The following P3H2 variants were observed in gnomAD, a reference collection of about 807,000 sequenced individuals.
The protein encoded by P3H2 is leprecan-like 1.
Under a neutral mutation model 87.0 loss-of-function variants are expected in P3H2, and 80 were observed. That is an observed-to-expected ratio of 0.92 (90% CI 0.77 to 1.11). The LOEUF is 1.11. Among genes scored for constraint, P3H2 ranks in the 50% least tolerant of loss-of-function variants. The probability of loss-of-function intolerance (pLI) is 0.00; values close to 1 mark genes in which losing one functional copy is unlikely to be tolerated. For synonymous variants in P3H2, 367 were observed against 359.3 expected (o/e 1.02, Z -0.24); for missense variants, 1,001 against 923.9 (o/e 1.08, Z -1.08).
chr3:190,049,971 C>T (rs1026378036), intron 1 of P3H2, among the ~76,000 whole-genome samples: 2 of 152,182 alleles, frequency 1.3e-5, no homozygotes, highest in Non-Finnish European at 2.9e-5. Flanking sequence ...TGTAAATATT[C>T]AAGAGGTCAA....
chr3:189,974,127 T>C (rs1287508720), intron 9 of P3H2, 123 bp from the exon 10 acceptor site: 1 of 787,808 alleles, frequency 1.3e-6, no homozygotes, highest in African/African-American at 1.7e-5. Flanking sequence ...CCCATTTTAT[T>C]CCAGGATGCT....
intron 3 of P3H2, among the ~76,000 whole-genome samples, chr3:189,993,060 C>T (rs1269023312): frequency 6.6e-6 from 1 of 152,182 alleles, no homozygotes; most frequent in Non-Finnish European, 1.5e-5. Flanking sequence ...TGCTGGCTCA[C>T]GCCCGTAATC....
chr3:190,091,549 C>T (rs1490004123), intron 1 of P3H2, among the ~76,000 whole-genome samples: 3 of 152,184 alleles, frequency 2.0e-5, no homozygotes, highest in Admixed American at 1.3e-4. Flanking sequence ...TGGCTATTTG[C>T]TTATATATAT....
At chr3:190,114,559 C>G (rs1397082361) in intron 1 of P3H2, among the ~76,000 whole-genome samples, 1 of 152,070 alleles carries the variant, frequency 6.6e-6, no homozygotes, top group Non-Finnish European at 1.5e-5. Context: ...AAGGAGCTGA[C>G]CAGGCTTTCA....
At chr3:189,987,447 C>T (rs1168479054) in intron 5 of P3H2, 80 bp downstream of exon 5, 1 of 1,504,246 alleles carries the variant, frequency 6.6e-7, no homozygotes, top group African/African-American at 1.4e-5. Flanking sequence ...CCATTGCACT[C>T]CAGCCTGGGC....
rs550610745 is a variant in P3H2 at position 190,042,677 on chromosome 3, T to C, written c.481-47235A>G. On this transcript the variant is annotated intron_variant, in intron 1 of 14. Transcript: ENST00000319332. ...TCATTTCCAGTCCCTACAGTAAACC[T>C]TTTGACCTGAATTCAAAGGAATGGT... 2.0e-5 allele frequency among the ~76,000 whole-genome samples: 3 copies of C among 152,334 alleles called. No homozygotes were observed. In the South Asian group the frequency reaches 6.2e-4, roughly 32 times the overall value.
chr3:189,984,651 G>T, intron 6 of P3H2, 61 bp from the exon 7 acceptor site: 1 of 1,166,778 alleles, frequency 8.6e-7, no homozygotes, highest in South Asian at 1.2e-5. Context: ...ATCACTTACA[G>T]AATTAAGATA....
intron 6 of P3H2, 74 bp downstream of exon 6, chr3:189,986,714 G>A (rs749800822): frequency 9.1e-7 from 1 of 1,097,866 alleles, no homozygotes; most frequent in Non-Finnish European, 1.4e-6. Context: ...GGCAAAAATG[G>A]AGGCAGGTAA....
chr3:190,076,864 CCTCAAAGTAA>C (rs1726891530), intron 1 of P3H2, among the ~76,000 whole-genome samples: 1 of 152,116 alleles, frequency 6.6e-6, no homozygotes, highest in Non-Finnish European at 1.5e-5. Flanking sequence ...ATTTTGACTA[CCTCAAAGTAA>C]CTCTGATGAC....
At chr3:189,973,803 C>A in intron 10 of P3H2, 106 bp downstream of exon 10, 1 of 842,130 alleles carries the variant, frequency 1.2e-6, no homozygotes. Flanking sequence ...GGATTACAGG[C>A]GTGAGCCACT....
At chr3:189,959,514 CTCTT>C (rs931788897) in intron 14 of P3H2, among the ~76,000 whole-genome samples, 11 of 149,216 alleles carry the variant, frequency 7.4e-5, no homozygotes, top group Non-Finnish European at 1.2e-4. Context: ...TGTTTGTTCT[CTCTT>C]CTTATTCATA....
intron 1 of P3H2, among the ~76,000 whole-genome samples, chr3:190,033,587 G>A (rs751777235): frequency 3.9e-5 from 6 of 152,038 alleles, no homozygotes; most frequent in Non-Finnish European, 7.4e-5. Context: ...ATGAGCTCAG[G>A]ATCCATTCTG....
At chr3:189,962,173 T>C (rs1722838210) in intron 14 of P3H2, among the ~76,000 whole-genome samples, 1 of 143,660 alleles carries the variant, frequency 7.0e-6, no homozygotes. Flanking sequence ...TTTTTTTTTT[T>C]TTTTTTTTTT....
rs1409415021 is a variant in P3H2 at position 190,095,623 on chromosome 3, C to T, written c.480+24629G>A. Among the ~76,000 whole-genome samples the T allele has an allele frequency of 1.2e-4, 16 of 134,044 alleles. No individual in the cohort carries two copies. The East Asian group carries it at 1.9e-3, about 16-fold the overall frequency. The allele number at this position is 134,044 out of a possible 152,430, so 87.9% of individuals were successfully genotyped here. On this transcript the variant is annotated intron_variant, in intron 1 of 14. Transcript: ENST00000319332. ...TTTTTTTTTTTTTTTTCCTTTAAAACGGAGTCTCGCTCTGTCACCCAGGCT... is the reference window on the plus strand; with the variant it reads ...TTTTTTTTTTTTTTTTCCTTTAAAATGGAGTCTCGCTCTGTCACCCAGGCT...
chr3:190,028,909 A>G (rs912727907), intron 1 of P3H2, among the ~76,000 whole-genome samples: 1 of 152,188 alleles, frequency 6.6e-6, no homozygotes, highest in Non-Finnish European at 1.5e-5. Context: ...GAAGAAAAGG[A>G]TGATATGTTT....
At chr3:190,071,580 A>C (rs1021001241) in intron 1 of P3H2, among the ~76,000 whole-genome samples, 3 of 152,166 alleles carry the variant, frequency 2.0e-5, no homozygotes, top group African/African-American at 7.2e-5. Context: ...GTGCTGTTTT[A>C]CTCCTTTCCA....
chr3:190,097,413 A>AGACT (rs1175299106), intron 1 of P3H2, among the ~76,000 whole-genome samples: 3 of 152,238 alleles, frequency 2.0e-5, no homozygotes. Flanking sequence ...AGTCAATAAG[A>AGACT]GACTGACTTA....
chr3:190,122,175 C>A (rs1269998523), upstream of P3H2: 3 of 150,782 alleles, frequency 2.0e-5, no homozygotes, highest in Admixed American at 6.6e-5. Context: ...AAGAGTTGAA[C>A]AAAGAGGCAA....
intron 13 of P3H2, among the ~76,000 whole-genome samples, chr3:189,965,804 G>A (rs186592449): frequency 3.9e-4 from 60 of 152,044 alleles, no homozygotes; most frequent in African/African-American, 1.4e-3. Context: ...TGGCCAACAT[G>A]GTGAAACCCC....
Sources: allele counts gnomAD v4.1 joint callset (sites outside exome capture counted in the v4.1 genomes callset), GRCh38; gene constraint gnomAD v4.1.1; transcripts MANE v1.5; gene names NCBI Gene and HGNC (gene_info 2026-07-23, HGNC 2026-07-21).